LTBP1: variants seen among roughly 807,000 people sequenced by gnomAD.
The protein encoded by LTBP1 is latent transforming growth factor beta binding protein 1.
LTBP1 carries 129 observed loss-of-function variants against 207.6 expected under a neutral mutation model. The observed-to-expected ratio is 0.62, with a 90% CI of 0.54 to 0.72. The LOEUF (loss-of-function observed/expected upper bound fraction) is 0.72. Among genes scored for constraint, LTBP1 ranks in the 30% least tolerant of loss-of-function variants. The pLI is 0.00. For missense variants in LTBP1, 2,281 were observed against 2,217.2 expected (o/e 1.03, Z -0.58); for synonymous variants, 963 against 833.7 (o/e 1.16, Z -2.67).
chr2:33,228,695 CCCT>C lies in LTBP1; in HGVS notation c.1876+6545_1876+6547del, dbSNP rs1444819273. On this transcript the variant is annotated intron_variant, in intron 9 of 33. Coordinates refer to ENST00000404816, the MANE Select transcript of LTBP1 (RefSeq NM_206943.4). ...GTTAATAAGCCCAACCAGGGTTATA[CCCT>C]TTTTTTTTTTTTTTTTTTTTGAGAT... Among the ~76,000 whole-genome samples, 34 of 60,702 alleles carry C rather than the reference CCCT, an allele frequency of 5.6e-4. 1 individual carries two copies. The highest frequency in any genetic ancestry group is 2.0e-3 in the East Asian group (6 of 2,946). The allele number at this position is 60,702 out of a possible 152,430, so 39.8% of individuals were successfully genotyped here. A position where few individuals can be genotyped will look rare whatever the true frequency, so the allele number is the denominator to read the frequency against.
At chr2:33,397,020 T>C (rs2095364742) in intron 32 of LTBP1, 113 bp from the exon 33 acceptor site, 5 of 852,588 alleles carry the variant, frequency 5.9e-6, no homozygotes, top group Non-Finnish European at 7.2e-6. Flanking sequence ...GTCTGAAATA[T>C]GTATGGACAT....
intron 3 of LTBP1, among the ~76,000 whole-genome samples, chr2:33,045,402 TG>T (rs1421824352): frequency 6.6e-6 from 1 of 152,230 alleles, no homozygotes; most frequent in African/African-American, 2.4e-5. Context: ...TTGTCAGATT[TG>T]TCAAAGATCA....
At chr2:33,019,528 T>G (rs1002368474) in intron 2 of LTBP1, among the ~76,000 whole-genome samples, 1 of 151,556 alleles carries the variant, frequency 6.6e-6, no homozygotes, top group Non-Finnish European at 1.5e-5. Flanking sequence ...AGAGATGAGG[T>G]TTCACTATTT....
At chr2:33,282,964 G>A (rs999359778) in intron 19 of LTBP1, among the ~76,000 whole-genome samples, 2 of 150,860 alleles carry the variant, frequency 1.3e-5, no homozygotes, top group African/African-American at 4.9e-5. Context: ...CCAGTAGGCT[G>A]AGGCAGGAGA....
chr2:33,188,690 G>A lies in LTBP1; in HGVS notation c.1540G>A (p.Ala514Thr). 1.9e-6 allele frequency: 3 copies of A among 1,614,122 alleles called. No homozygotes were observed. The highest frequency in any genetic ancestry group is 2.5e-6 in the Non-Finnish European group (3 of 1,180,024). Residue 514 changes from alanine to threonine, a missense_variant, in exon 7 of 34, where the codon GCT (alanine) becomes ACT (threonine). Physicochemically the swap from Ala to Thr is moderately conservative, Grantham distance 58 (BLOSUM62 0). Around this residue, in one of 3 missense-constraint regions of LTBP1, gnomAD observed 1,671 missense variants for 1,634.8 expected, o/e 1.02. Coordinates refer to ENST00000404816, the MANE Select transcript of LTBP1 (RefSeq NM_206943.4). ...CCCAACAGGCCAGAAGACAAAAGAAGCTCAACCAGGCCAATCCCAAGTCTC... is the reference window on the plus strand; with the variant it reads ...CCCAACAGGCCAGAAGACAAAAGAAACTCAACCAGGCCAATCCCAAGTCTC... The part of the protein sequence containing the change: ...DGPTGQKTKE[A>T]QPGQSQVSYQ...
chr2:33,287,447 A>G (rs191706058), intron 19 of LTBP1, among the ~76,000 whole-genome samples: 62 of 152,348 alleles, frequency 4.1e-4, no homozygotes, highest in Admixed American at 7.8e-4. Flanking sequence ...CAATAAGGAA[A>G]ATAAAAGAGC....
intron 23 of LTBP1, among the ~76,000 whole-genome samples, chr2:33,313,189 C>T (rs2094212224): frequency 6.6e-6 from 1 of 152,234 alleles, no homozygotes; most frequent in South Asian, 2.1e-4. Flanking sequence ...TATCTAAAAA[C>T]TAGTGACAGT....
At chr2:33,333,735 G>A (rs1306501833) in intron 24 of LTBP1, among the ~76,000 whole-genome samples, 1 of 152,174 alleles carries the variant, frequency 6.6e-6, no homozygotes, top group Admixed American at 6.5e-5. Context: ...GTGTCCCATA[G>A]GGAATTGGAT....
intron 2 of LTBP1, among the ~76,000 whole-genome samples, chr2:32,995,813 C>A (rs1401863957): frequency 6.6e-6 from 1 of 152,002 alleles, no homozygotes; most frequent in East Asian, 1.9e-4. Flanking sequence ...AACAAAAACA[C>A]CACATGATTT....
At chr2:33,188,366 G>C (rs1350986754) in intron 6 of LTBP1, among the ~76,000 whole-genome samples, 1 of 140,138 alleles carries the variant, frequency 7.1e-6, no homozygotes, top group Non-Finnish European at 1.5e-5. Flanking sequence ...GGTTGAGGTT[G>C]CAATGAGCTG....
intron 3 of LTBP1, among the ~76,000 whole-genome samples, chr2:33,070,754 T>G (rs990442057): frequency 8.5e-5 from 13 of 152,232 alleles, no homozygotes; most frequent in Non-Finnish European, 1.5e-4. Context: ...TGTGCCTTTC[T>G]TGTATGTTTT....
At chr2:33,274,798 C>T (rs1402786072) in intron 16 of LTBP1, among the ~76,000 whole-genome samples, 167 bp from the exon 17 acceptor site, 1 of 152,212 alleles carries the variant, frequency 6.6e-6, no homozygotes, top group East Asian at 1.9e-4. Context: ...CTTCCAGGAA[C>T]AATCCTTCAA....
chr2:33,330,732 A>G (rs2094482944), intron 24 of LTBP1, among the ~76,000 whole-genome samples: 1 of 150,642 alleles, frequency 6.6e-6, no homozygotes, highest in South Asian at 2.1e-4. Context: ...CTGATAATAC[A>G]GGTCTATAAT....
intron 25 of LTBP1, among the ~76,000 whole-genome samples, chr2:33,345,599 T>C (rs907437345): frequency 6.6e-6 from 1 of 152,252 alleles, no homozygotes; most frequent in African/African-American, 2.4e-5. Flanking sequence ...CTCTGCTTTA[T>C]GTTATGGTAT....
chr2:33,176,877 G>T (rs577343390), intron 5 of LTBP1, among the ~76,000 whole-genome samples: 37 of 152,008 alleles, frequency 2.4e-4, no homozygotes, highest in Non-Finnish European at 4.6e-4. Context: ...TTCTCATTGC[G>T]CCCTGCCATC....
intron 7 of LTBP1, among the ~76,000 whole-genome samples, chr2:33,213,715 T>A (rs1190091773): frequency 1.3e-5 from 2 of 152,210 alleles, no homozygotes; most frequent in Non-Finnish European, 2.9e-5. Context: ...CATAGTTAAA[T>A]AACTGAAGGG....
intron 31 of LTBP1, among the ~76,000 whole-genome samples, chr2:33,369,719 T>C (rs544000922): frequency 2.4e-4 from 36 of 152,280 alleles, no homozygotes; most frequent in African/African-American, 8.7e-4. Context: ...TTTTTTGTAT[T>C]TGGTAGACAC....
chr2:33,082,431 A>AATTTTTTTTTTTTTTTTTTTTT lies in LTBP1; in HGVS notation c.864-28151_864-28150insATTTTTTTTTTTTTTTTTTTTT, dbSNP rs2078468929. Among the ~76,000 whole-genome samples the AATTTTTTTTTTTTTTTTTTTTT allele has an allele frequency of 1.7e-5, 2 of 116,044 alleles. 1 individual carries two copies. The allele number at this position is 116,044 out of a possible 152,430, so 76.1% of individuals were successfully genotyped here. ...GTTAACCGTGGCTAAAGTATGACTC[A>AATTTTTTTTTTTTTTTTTTTTT]CTTTTTTTTTTTTTTTTTTTTTTTT... On this transcript the variant is annotated intron_variant, in intron 3 of 33. Coordinates refer to ENST00000404816, the MANE Select transcript of LTBP1 (RefSeq NM_206943.4).
intron 3 of LTBP1, among the ~76,000 whole-genome samples, chr2:33,107,163 G>T (rs913517725): frequency 4.6e-5 from 7 of 152,122 alleles, no homozygotes; most frequent in Non-Finnish European, 8.8e-5. Context: ...AACACGTCAG[G>T]GTGCCCTGCA....
Sources: allele counts gnomAD v4.1 joint callset (sites outside exome capture counted in the v4.1 genomes callset), GRCh38; gene constraint gnomAD v4.1.1; regional missense constraint gnomAD v4.1.1; transcripts MANE v1.5; gene names NCBI Gene and HGNC (gene_info 2026-07-23, HGNC 2026-07-21).